The following TNFRSF14 variants were observed in gnomAD, a reference collection of about 807,000 sequenced individuals.
TNFRSF14 encodes the protein TNF receptor superfamily member 14.
Under a neutral mutation model 34.1 loss-of-function variants are expected in TNFRSF14, and 18 were observed. That is an observed-to-expected ratio of 0.53 (90% CI 0.36 to 0.78). The LOEUF (loss-of-function observed/expected upper bound fraction) is 0.78. TNFRSF14 is among the 30% of genes least tolerant of loss of function. The pLI is 0.00. For synonymous variants in TNFRSF14, 157 were observed against 153.2 expected (o/e 1.02, Z -0.18); for missense variants, 352 against 379.5 (o/e 0.93, Z 0.60).
At chr1:2,556,276 A>G (rs1012490654), upstream of TNFRSF14, 3 of 546,198 alleles carry the variant, frequency 5.5e-6, no homozygotes, top group African/African-American at 3.7e-5. Context: ...GGAAACACAG[A>G]TGGACTTTGG....
intron 3 of TNFRSF14, chr1:2,559,498 G>A (rs1248642320): frequency 1.4e-6 from 2 of 1,468,044 alleles, no homozygotes; most frequent in South Asian, 2.4e-5. Context: ...GCGAGGACCT[G>A]CCTGCGGGAC....
At position 2,557,743 on chromosome 1, in the gene TNFRSF14, C is replaced by A. The variant is rs749981536; in HGVS notation, c.87C>A (p.Phe29Leu). The A allele has an allele frequency of 6.2e-7, 1 of 1,609,798 alleles. No homozygotes were observed. Among genetic ancestry groups the A allele is most frequent in the Admixed American group, 1.7e-5 (1 of 59,546 alleles). ...DVLRLVLYLT[F>L]LGAPCYAPAL... ...CCCCTTAGGTGCTGTATCTCACCTT[C>A]CTGGGAGCCCCCTGCTACGCCCCAG... Residue 29 changes from phenylalanine (F) to leucine (L), a missense_variant, in exon 2 of 8, where the codon TTC becomes TTA. Coordinates refer to ENST00000355716, the MANE Select transcript of TNFRSF14 (RefSeq NM_003820.4).
At position 2,556,444 on chromosome 1, in the gene TNFRSF14, C is replaced by G; in HGVS notation, c.-221C>G. 1.4e-6 allele frequency: 1 copy of G among 699,404 alleles called. No individual in the cohort carries two copies. Among genetic ancestry groups the G allele is most frequent in the Non-Finnish European group, 2.6e-6 (1 of 383,992 alleles). The allele number at this position is 699,404 out of a possible 1,614,324, so 43.3% of individuals were successfully genotyped here. On this transcript the variant is annotated 5_prime_UTR_variant, in exon 1 of 8. Coordinates refer to ENST00000355716, the MANE Select transcript of TNFRSF14 (RefSeq NM_003820.4). ...AGGGCCCACCTGTGTCCCCCAGCGC[C>G]GCTCCACCCAGCAGGCCTGAGCCCC...
Position 2,559,834 on chromosome 1 carries a change from C to A in TNFRSF14, c.316C>A (p.Arg106Ser), listed in dbSNP as rs771419721. Residue 106 changes from arginine (R) to serine (S), a missense_variant, in exon 4 of 8, where the codon CGC becomes AGC. By Grantham distance (110) the Arg-to-Ser change is moderately radical (BLOSUM62 -1). Transcript: ENST00000355716. ...CTCTTGGACTCCAGCCATGGGCCTG[C>A]GCGCGAGCCGGAACTGCTCCAGGAC... is the stretch of plus-strand genomic sequence containing the variant. ...CQMCDPAMGL[R>S]ASRNCSRTEN... The A allele has an allele frequency of 2.5e-6, 4 of 1,606,746 alleles. No individual in the cohort carries two copies. Among genetic ancestry groups the A allele is most frequent in the Non-Finnish European group, 3.4e-6 (4 of 1,177,638 alleles).
chr1:2,557,763 C>A lies in TNFRSF14; in HGVS notation c.107C>A (p.Ala36Asp). Residue 36 changes from alanine to aspartate, a missense_variant, in exon 2 of 8, where the codon GCC becomes GAC. Ala to Asp is a moderately radical substitution (Grantham distance 126, BLOSUM62 -2). Transcript: ENST00000355716. Reference sequence around the variant, plus strand: ...ACCTTCCTGGGAGCCCCCTGCTACGCCCCAGCTCTGCCGTCCTGCAAGGAG... The same window carrying A: ...ACCTTCCTGGGAGCCCCCTGCTACGACCCAGCTCTGCCGTCCTGCAAGGAG... ...YLTFLGAPCYAPALPSCKEDE... is the reference protein window; with the variant it reads ...YLTFLGAPCYDPALPSCKEDE... 6.2e-7 allele frequency: 1 copy of A among 1,611,616 alleles called. No individual in the cohort carries two copies. The highest frequency in any genetic ancestry group is 8.5e-7 in the Non-Finnish European group (1 of 1,178,968).
chr1:2,562,756 G>T, intron 6 of TNFRSF14, 109 bp from the exon 7 acceptor site: 1 of 1,423,316 alleles, frequency 7.0e-7, no homozygotes, highest in Non-Finnish European at 9.9e-7. Context: ...CGGTCTCCCA[G>T]GGAGAAGCAG....
Position 2,556,651 on chromosome 1 carries a change from T to A in TNFRSF14, c.-14T>A, listed in dbSNP as rs766762195. 3 of 1,609,398 alleles carry A rather than the reference T, an allele frequency of 1.9e-6. No homozygotes were observed. Among genetic ancestry groups the A allele is most frequent in the Non-Finnish European group, 2.5e-6 (3 of 1,177,902 alleles). On this transcript the variant is annotated 5_prime_UTR_variant, in exon 1 of 8. Transcript: ENST00000355716. ...GCTAGCTGGGTTCCCGAGCTGCCGG[T>A]CTGAGCCTGAGGCATGGAGCCTCCT...
At position 2,561,233 on chromosome 1, in the gene TNFRSF14, G is replaced by A; in HGVS notation, c.552-440G>A. The A allele has an allele frequency of 2.3e-6, 1 of 444,046 alleles. No homozygotes were observed. Among genetic ancestry groups the A allele is most frequent in the East Asian group, 3.4e-5 (1 of 29,750 alleles). 27.5% of individuals were successfully genotyped at this position (444,046 alleles called of 1,614,324 possible). A position where few individuals can be genotyped will look rare whatever the true frequency, so the allele number is the denominator to read the frequency against. ...ATGGCTGCCCCAGGGAGGGGGCGGT[G>A]GGGCCTTCCATCCTGCTCTGCCCTC... On this transcript the variant is annotated intron_variant, in intron 5 of 7. Transcript: ENST00000355716. This position sits in a 1 kb window ranked among gnomAD's most constrained non-coding sequence, Gnocchi z 6.0.
At chr1:2,558,497 T>C (rs1644253197) in intron 3 of TNFRSF14, 29 bp downstream of exon 3, 1 of 1,611,216 alleles carries the variant, frequency 6.2e-7, no homozygotes, top group African/African-American at 1.3e-5. Flanking sequence ...CGGCCCAGCC[T>C]CCGCTTGGGC....
upstream of TNFRSF14, chr1:2,556,148 C>T (rs753161842): frequency 2.6e-6 from 1 of 387,450 alleles, no homozygotes; most frequent in South Asian, 2.1e-5. Flanking sequence ...GGAAGTTTAC[C>T]CTGTTCAGCA....
At position 2,558,746 on chromosome 1, in the gene TNFRSF14, C is replaced by G. The variant is rs936008201; in HGVS notation, c.304+278C>G. On this transcript the variant is annotated intron_variant, in intron 3 of 7. Transcript: ENST00000355716. Reference sequence around the variant, plus strand: ...TCCCTCGTCCTTGGCTCCTCTGGTGCCCGGGGTGGGTGCCCAGACCTCTCC... The same window carrying G: ...TCCCTCGTCCTTGGCTCCTCTGGTGGCCGGGGTGGGTGCCCAGACCTCTCC... The G allele has an allele frequency of 8.4e-6, 10 of 1,192,494 alleles. No homozygotes were observed. In the Admixed American group the frequency reaches 1.5e-4, roughly 18 times the overall value. 73.9% of individuals were successfully genotyped at this position (1,192,494 alleles called of 1,614,324 possible).
Position 2,559,622 on chromosome 1 carries a change from G to A in TNFRSF14, c.305-201G>A, listed in dbSNP as rs112070015. 2.8e-4 allele frequency: 434 copies of A among 1,534,332 alleles called. No individual in the cohort carries two copies. The African/African-American group carries it at 5.2e-3, about 18-fold the overall frequency. The stretch of plus-strand genomic sequence containing the variant: ...CTTCCTGCAAGCCCTCGTCCCACAC[G>A]CAGCTCTGCCGTCCCTTGGTGTCCC... On this transcript the variant is annotated intron_variant, in intron 3 of 7. Coordinates refer to ENST00000355716, the MANE Select transcript of TNFRSF14 (RefSeq NM_003820.4).
At chr1:2,558,306 C>G in intron 2 of TNFRSF14, 37 bp from the exon 3 acceptor site, 1 of 1,578,814 alleles carries the variant, frequency 6.3e-7, no homozygotes, top group South Asian at 1.1e-5. Context: ...AAGGGGCCTC[C>G]CGCAGACTTG....
At chr1:2,562,524 C>G (rs552194053) in intron 6 of TNFRSF14, 3 of 467,794 alleles carry the variant, frequency 6.4e-6, no homozygotes, top group Non-Finnish European at 1.2e-5. Context: ...TGGGCACCTG[C>G]TGGTATGGTG....
upstream of TNFRSF14, chr1:2,554,769 C>G (rs768566105): frequency 6.6e-6 from 1 of 152,238 alleles, no homozygotes; most frequent in Non-Finnish European, 1.5e-5. The surrounding 1 kb of genome is among the most constrained non-coding windows in gnomAD (Gnocchi z 4.2). Flanking sequence ...CCCTCCTCCC[C>G]AGGGTGGGGT....
intron 2 of TNFRSF14, among the ~76,000 whole-genome samples, chr1:2,558,069 G>A (rs548064917): frequency 6.6e-6 from 1 of 152,188 alleles, no homozygotes; most frequent in Admixed American, 6.5e-5. Context: ...GACGTGGCTG[G>A]CCCACCGTGG....
chr1:2,559,071 C>T (rs1644264012), intron 3 of TNFRSF14: 3 of 1,369,514 alleles, frequency 2.2e-6, no homozygotes, highest in Non-Finnish European at 2.9e-6. Context: ...CCAGTGCTCC[C>T]TGCGGCCAGG....
rs956121946 is a variant in TNFRSF14 at position 2,561,371 on chromosome 1, C to G, written c.552-302C>G. On this transcript the variant is annotated intron_variant, in intron 5 of 7. Coordinates refer to ENST00000355716, the MANE Select transcript of TNFRSF14 (RefSeq NM_003820.4). The surrounding 1 kb of genome is among the most constrained non-coding windows in gnomAD (Gnocchi z 6.0). Reference sequence around the variant, plus strand: ...TTGTCTGCCACTGGTCTCCCGTGCTCTGGGGTCTCTGCACTGCTGGCTGCC... The same window carrying G: ...TTGTCTGCCACTGGTCTCCCGTGCTGTGGGGTCTCTGCACTGCTGGCTGCC... 2.1e-6 allele frequency: 2 copies of G among 935,196 alleles called. No individual in the cohort carries two copies. Among genetic ancestry groups the G allele is most frequent in the African/African-American group, 3.4e-5 (2 of 59,608 alleles). 57.9% of individuals were successfully genotyped at this position (935,196 alleles called of 1,614,324 possible). A position where few individuals can be genotyped will look rare whatever the true frequency, so the allele number is the denominator to read the frequency against.
At chr1:2,554,856 T>C (rs931013776), upstream of TNFRSF14, 2 of 152,266 alleles carry the variant, frequency 1.3e-5, no homozygotes, top group African/African-American at 4.8e-5. This position sits in a 1 kb window ranked among gnomAD's most constrained non-coding sequence, Gnocchi z 4.2. Context: ...GCGCTGTGTC[T>C]GCTCTTGGAG....
Sources: gnomAD v4.1 joint callset for allele counts (sites outside exome capture counted in the v4.1 genomes callset) on GRCh38, gnomAD v4.1.1 for gene constraint, Gnocchi (gnomAD v3.1) non-coding constraint, MANE v1.5 for transcripts, NCBI Gene and HGNC (gene_info 2026-07-23, HGNC 2026-07-21) for gene names.